Variants in COPG1 observed in about 807,000 individuals in gnomAD.
COPG1 encodes coat protein complex I subunit gamma 1.
In COPG1, 29 loss-of-function variants were observed where a neutral mutation model predicts 102.8. The observed-to-expected ratio is 0.28, with a 90% confidence interval of 0.21 to 0.38. COPG1 has a LOEUF of 0.38. Among genes scored for constraint, COPG1 ranks in the 10% least tolerant of loss-of-function variants. The probability of loss-of-function intolerance (pLI) is 1.00; values close to 1 mark genes in which losing one functional copy is unlikely to be tolerated. For missense variants in COPG1, 875 were observed against 1,132.7 expected (o/e 0.77, Z 3.27); for synonymous variants, 406 against 421.6 (o/e 0.96, Z 0.45).
intron 2 of COPG1, among the ~76,000 whole-genome samples, chr3:129,251,801 C>G (rs1939706020): frequency 6.6e-6 from 1 of 151,946 alleles, no homozygotes; most frequent in African/African-American, 2.4e-5. Flanking sequence ...AATTCTCCTG[C>G]CTCGGCCTCC....
At chr3:129,250,958 C>G (rs1939682941) in intron 2 of COPG1, 1 of 408,140 alleles carries the variant, frequency 2.5e-6, no homozygotes, top group Non-Finnish European at 4.3e-6. Context: ...GAGTCTTGCT[C>G]TGTCGCTCAG....
intron 14 of COPG1, 49 bp from the exon 15 acceptor site, chr3:129,266,975 T>G: frequency 5.1e-5 from 78 of 1,526,700 alleles, no homozygotes; most frequent in Non-Finnish European, 6.3e-5. Flanking sequence ...GCCCAAACAG[T>G]GAGTTGTCAG....
In COPG1 at chr3:129,261,784, C is replaced by G. The variant is rs757640234; in HGVS notation, c.1128+977C>G. Among the ~76,000 whole-genome samples, 16 of 152,282 alleles carry G rather than the reference C, an allele frequency of 1.1e-4. No homozygotes were observed. The East Asian group carries it at 1.7e-3, about 17-fold the overall frequency. ...ATGCAAGATGTCATGTGGAGACTTT[C>G]AAAATTGCCACCACAGTGAAGACAC... On this transcript the variant is annotated intron_variant, in intron 12 of 23. Coordinates refer to ENST00000314797, the MANE Select transcript of COPG1 (RefSeq NM_016128.4).
intron 23 of COPG1, among the ~76,000 whole-genome samples, chr3:129,276,727 C>T (rs975641964): frequency 1.3e-5 from 2 of 152,002 alleles, no homozygotes; most frequent in African/African-American, 4.8e-5. Flanking sequence ...TTATGTCCAT[C>T]AGTTCATTTG....
chr3:129,273,927 C>A (rs1439283165), intron 21 of COPG1: 16 of 432,524 alleles, frequency 3.7e-5, no homozygotes. Context: ...TGAGGTCTGA[C>A]TTTGGGGCAG....
intron 1 of COPG1, among the ~76,000 whole-genome samples, chr3:129,250,072 G>A (rs1939662318): frequency 6.6e-6 from 1 of 152,130 alleles, no homozygotes; most frequent in South Asian, 2.1e-4. Context: ...GGGATTCGCT[G>A]GGGCTACGTT....
chr3:129,268,152 G>A, intron 16 of COPG1, 112 bp downstream of exon 16: 1 of 900,402 alleles, frequency 1.1e-6, no homozygotes, highest in Non-Finnish European at 1.8e-6. Flanking sequence ...GACTTGCCTG[G>A]CAACCTCATG....
intron 2 of COPG1, 97 bp downstream of exon 2, chr3:129,250,831 A>G (rs1297226375): frequency 8.7e-7 from 1 of 1,151,888 alleles, no homozygotes; most frequent in African/African-American, 1.5e-5. Flanking sequence ...TTAAAGAGCA[A>G]CACGGGAGAA....
chr3:129,257,925 C>T, intron 10 of COPG1, 65 bp downstream of exon 10: 2 of 1,581,710 alleles, frequency 1.3e-6, no homozygotes, highest in Non-Finnish European at 1.7e-6. Flanking sequence ...GCCTGGGTTC[C>T]CGGGCTAGGA....
intron 10 of COPG1, 142 bp downstream of exon 10, chr3:129,258,002 C>T: frequency 2.9e-6 from 3 of 1,024,216 alleles, no homozygotes; most frequent in Non-Finnish European, 4.2e-6. Context: ...GCCCCAGACA[C>T]TATGCTGAGT....
In COPG1 at chr3:129,268,627, C is replaced by A. The variant is rs930091928; in HGVS notation, c.1774+7C>A. On this transcript the variant is annotated splice_region_variant and intron_variant, in intron 17 of 23. Coordinates refer to ENST00000314797, the MANE Select transcript of COPG1 (RefSeq NM_016128.4). ...ATGGCAGAGCAGAGAACAGGTAACA[C>A]TTATACTCCTCCCAGAGGCCATCAA... The A allele has an allele frequency of 2.5e-6, 4 of 1,613,580 alleles. No individual in the cohort carries two copies. In the African/African-American group the frequency reaches 5.3e-5, roughly 22 times the overall value.
chr3:129,251,126 C>A (rs938541427), intron 2 of COPG1, among the ~76,000 whole-genome samples: 3 of 150,618 alleles, frequency 2.0e-5, no homozygotes, highest in African/African-American at 7.3e-5. Context: ...GGTTTCACCG[C>A]GTTAGCCAGG....
rs1329056927 is a variant in COPG1, at chr3:129,265,606, A to G, written c.1282A>G (p.Asn428Asp). Residue 428 changes from asparagine (N) to aspartate (D), a missense_variant, in exon 14 of 24, where the codon AAC (asparagine) becomes GAC (aspartate). Asn to Asp is a conservative substitution (Grantham distance 23). Transcript: ENST00000314797. ...CTGCATCATCAGCATCATTGAAGAG[A>G]ACTCAGAGAGCAAGGAGACAGGGCT... Reference protein sequence around the residue: ...VDCIISIIEENSESKETGLSH... With the variant: ...VDCIISIIEEDSESKETGLSH... 6.2e-7 allele frequency: 1 copy of G among 1,614,186 alleles called. No homozygotes were observed. The highest frequency in any genetic ancestry group is 1.3e-5 in the African/African-American group (1 of 75,044).
At chr3:129,258,170 T>G (rs1299314347) in intron 10 of COPG1, among the ~76,000 whole-genome samples, 1 of 152,172 alleles carries the variant, frequency 6.6e-6, no homozygotes, top group African/African-American at 2.4e-5. Context: ...AACTGGTGCA[T>G]GTGAAGTGGG....
At chr3:129,268,837 G>A (rs1940122713) in intron 17 of COPG1, 95 bp from the exon 18 acceptor site, 1 of 1,250,382 alleles carries the variant, frequency 8.0e-7, no homozygotes, top group Non-Finnish European at 1.2e-6. Context: ...AGGAGGGTTA[G>A]TATTTATAAT....
Position 129,271,131 on chromosome 3 carries a change from G to T in COPG1, c.1844-636G>T, listed in dbSNP as rs1307896908. ...TCTGCCAGATGCCTCATTCACTTGGGTTATTCCCTTTAGTTTGCAAGGAAT... is the reference window on the plus strand; with the variant it reads ...TCTGCCAGATGCCTCATTCACTTGGTTTATTCCCTTTAGTTTGCAAGGAAT... On this transcript the variant is annotated intron_variant, in intron 18 of 23. Coordinates refer to ENST00000314797, the MANE Select transcript of COPG1 (RefSeq NM_016128.4). This position sits in a 1 kb window ranked among gnomAD's most constrained non-coding sequence, Gnocchi z 4.7. 6.6e-6 allele frequency among the ~76,000 whole-genome samples: 1 copy of T among 152,176 alleles called. No homozygotes were observed. Among genetic ancestry groups the T allele is most frequent in the Non-Finnish European group, 1.5e-5 (1 of 68,034 alleles).
intron 21 of COPG1, among the ~76,000 whole-genome samples, chr3:129,273,267 A>G (rs1157373282): frequency 6.6e-6 from 1 of 152,164 alleles, no homozygotes; most frequent in Non-Finnish European, 1.5e-5. Context: ...CAGGTGATCC[A>G]CCTACCTTGG....
chr3:129,266,992 T>C (rs1388978920), intron 14 of COPG1, 32 bp from the exon 15 acceptor site: 6 of 1,601,892 alleles, frequency 3.7e-6, no homozygotes, highest in Non-Finnish European at 4.3e-6. Context: ...TCAGGGTGCA[T>C]TGGGTAAATC....
intron 23 of COPG1, 141 bp from the exon 24 acceptor site, chr3:129,277,153 C>A: frequency 1.3e-6 from 1 of 795,972 alleles, no homozygotes; most frequent in Non-Finnish European, 2.1e-6. Context: ...TGAAATCCCT[C>A]ACTCAGGGAT....
Sources: gnomAD v4.1 joint callset for allele counts (sites outside exome capture counted in the v4.1 genomes callset) on GRCh38, gnomAD v4.1.1 for gene constraint, Gnocchi (gnomAD v3.1) non-coding constraint, MANE v1.5 for transcripts, NCBI Gene and HGNC (gene_info 2026-07-23, HGNC 2026-07-21) for gene names.